FARP2: variants seen among roughly 807,000 people sequenced by gnomAD.
FARP2 encodes FERM, ARHGEF and pleckstrin domain-containing protein 2.
Under a neutral mutation model 130.5 loss-of-function variants are expected in FARP2, and 111 were observed. The observed-to-expected ratio is 0.85, with a 90% CI of 0.73 to 1.00. The LOEUF (loss-of-function observed/expected upper bound fraction) is 1.00. Among genes scored for constraint, FARP2 ranks in the 50% least tolerant of loss-of-function variants. The pLI, the probability that FARP2 is intolerant of heterozygous loss-of-function variation, is 0.00. For synonymous variants in FARP2, 504 were observed against 516.9 expected, an observed-to-expected ratio of 0.98 and a Z score of 0.34; for missense variants, 1,385 against 1,346.3, an observed-to-expected ratio of 1.03 and a Z score of -0.45.
chr2:241,487,536 TG>T (rs556423222), intron 21 of FARP2, among the ~76,000 whole-genome samples: 12 of 122,514 alleles, frequency 9.8e-5, no homozygotes, highest in African/African-American at 3.3e-4. Context: ...GGCGTGGTGG[TG>T]GGCACCTGTA....
chr2:241,384,292 G>A (rs1216931673), intron 2 of FARP2, among the ~76,000 whole-genome samples: 1 of 152,186 alleles, frequency 6.6e-6, no homozygotes, highest in Non-Finnish European at 1.5e-5. Context: ...GCACATGAAT[G>A]ATGCTTTACA....
At chr2:241,491,488 C>T in intron 23 of FARP2, 28 bp from the exon 24 acceptor site, 1 of 1,611,872 alleles carries the variant, frequency 6.2e-7, no homozygotes, top group Non-Finnish European at 8.5e-7. Flanking sequence ...AGGGGGTTCC[C>T]CCTGAGACGC....
intron 8 of FARP2, among the ~76,000 whole-genome samples, chr2:241,429,811 G>A (rs1432153815): frequency 6.6e-6 from 1 of 152,134 alleles, no homozygotes; most frequent in East Asian, 1.9e-4. Flanking sequence ...AGCCAGGATT[G>A]GTATCAGGTG....
intron 13 of FARP2, chr2:241,445,922 C>CA: frequency 6.6e-6 from 1 of 152,324 alleles, no homozygotes. Context: ...TGTGTCTACT[C>CA]AGAGGGGACG....
chr2:241,414,615 T>C (rs2062616265), intron 7 of FARP2, among the ~76,000 whole-genome samples: 1 of 152,150 alleles, frequency 6.6e-6, no homozygotes, highest in African/African-American at 2.4e-5. Flanking sequence ...CCCGTAAGAT[T>C]GTGTGGATTT....
intron 2 of FARP2, among the ~76,000 whole-genome samples, chr2:241,396,521 A>AAGG (rs1437089690): frequency 1.3e-5 from 2 of 152,228 alleles, no homozygotes; most frequent in African/African-American, 4.8e-5. Context: ...AAAGTGGGTG[A>AAGG]AGGACATGAA....
intron 2 of FARP2, among the ~76,000 whole-genome samples, chr2:241,401,053 C>T (rs1158265447): frequency 6.6e-6 from 1 of 152,136 alleles, no homozygotes; most frequent in Non-Finnish European, 1.5e-5. Flanking sequence ...ACAGATTTGC[C>T]CTTTTGTTCT....
At chr2:241,455,822 CT>C (rs1316978714) in intron 13 of FARP2, among the ~76,000 whole-genome samples, 3 of 141,966 alleles carry the variant, frequency 2.1e-5, no homozygotes, top group African/African-American at 7.9e-5. Context: ...TCACTGCAAG[CT>C]CTGCCTCCTG....
intron 21 of FARP2, among the ~76,000 whole-genome samples, chr2:241,486,651 G>A (rs1421908892): frequency 6.6e-6 from 1 of 152,088 alleles, no homozygotes; most frequent in Non-Finnish European, 1.5e-5. Context: ...CTAGTCACCT[G>A]TCACTGGACG....
chr2:241,361,328 G>A (rs1034037023), intron 1 of FARP2, among the ~76,000 whole-genome samples: 4 of 152,176 alleles, frequency 2.6e-5, no homozygotes, highest in Admixed American at 6.5e-5. Context: ...AGGAATACCC[G>A]CATTGAGATT....
intron 8 of FARP2, among the ~76,000 whole-genome samples, chr2:241,429,049 T>C (rs2063028109): frequency 6.6e-6 from 1 of 152,266 alleles, no homozygotes. Context: ...CTAACCTTGC[T>C]GCCTCTTACA....
rs902830992 is a variant in FARP2, at chr2:241,360,692, T to C, written c.-25+4304T>C. 6.5e-5 allele frequency among the ~76,000 whole-genome samples: 9 copies of C among 139,044 alleles called. No individual in the cohort carries two copies. The Admixed American group carries it at 6.5e-4, about 10-fold the overall frequency. The allele number at this position is 139,044 out of a possible 152,430, so 91.2% of individuals were successfully genotyped here. On this transcript the variant is annotated intron_variant, in intron 1 of 26. Transcript: ENST00000264042. ...CTGTCTCAAAAAAAAAAAAAAAAAG[T>C]GAATATTTAGAATGAGAACGTAACA...
chr2:241,466,696 C>CA (rs1471207889), intron 17 of FARP2: 2 of 676,892 alleles, frequency 3.0e-6, no homozygotes, highest in Non-Finnish European at 3.6e-6. Flanking sequence ...ACCACCCCCC[C>CA]CCCCACCACC....
At chr2:241,468,006 G>T in intron 17 of FARP2, 134 bp from the exon 18 acceptor site, 2 of 720,920 alleles carry the variant, frequency 2.8e-6, no homozygotes, top group Non-Finnish European at 5.1e-6. Flanking sequence ...GCCCCCGCTG[G>T]CGCACGCTGG....
chr2:241,453,775 T>G (rs1396682778), intron 13 of FARP2, among the ~76,000 whole-genome samples: 11 of 57,704 alleles, frequency 1.9e-4, no homozygotes, highest in African/African-American at 2.4e-4. Context: ...ACTGGTTTTT[T>G]TTTTTTTTTT....
rs13014057 is a variant in FARP2 at position 241,480,543 on chromosome 2, T to A, written c.2263-2922T>A. Among the ~76,000 whole-genome samples, 125 of 144,990 alleles carry A rather than the reference T, an allele frequency of 8.6e-4. 3 individuals are homozygous for A. Among genetic ancestry groups the A allele is most frequent in the Admixed American group, 3.3e-3 (48 of 14,354 alleles). ...TAGGCTTGTGTTGTGTTTTTTTTTTTAAATTTAAAGATATTAAGACAATTC... is the reference window on the plus strand; with the variant it reads ...TAGGCTTGTGTTGTGTTTTTTTTTTAAAATTTAAAGATATTAAGACAATTC... On this transcript the variant is annotated intron_variant, in intron 19 of 26. Coordinates refer to ENST00000264042, the MANE Select transcript of FARP2 (RefSeq NM_014808.4).
chr2:241,485,123 T>G (rs754068306), intron 21 of FARP2, among the ~76,000 whole-genome samples: 4 of 151,878 alleles, frequency 2.6e-5, no homozygotes, highest in Non-Finnish European at 5.9e-5. Context: ...GTCAGTGATC[T>G]TCTCTCCTTG....
In FARP2 at chr2:241,456,820, G is replaced by C. The variant is rs150929124; in HGVS notation, c.1485G>C (p.Gln495His). 1.7e-4 allele frequency: 275 copies of C among 1,613,964 alleles called. No homozygotes were observed. Among genetic ancestry groups the C allele is most frequent in the Admixed American group, 6.2e-4 (37 of 60,002 alleles). The change falls in exon 14 of 27, where the codon CAG (glutamine) becomes CAC (histidine). Residue 495 changes from glutamine (Q) to histidine (H), a missense_variant. Gln to His is a conservative substitution (Grantham distance 24). Coordinates refer to ENST00000264042, the MANE Select transcript of FARP2 (RefSeq NM_014808.4). ...CCCTGAGTCTGAGCCCTGCATTTCAGGTGCCTTTGGGCCCAGCTGAACAGG... is the reference window on the plus strand; with the variant it reads ...CCCTGAGTCTGAGCCCTGCATTTCACGTGCCTTTGGGCCCAGCTGAACAGG... Reference protein sequence around the residue: ...KSPLSLSPAFQVPLGPAEQGS... With the variant: ...KSPLSLSPAFHVPLGPAEQGS...
At chr2:241,448,639 A>G (rs2063571158) in intron 13 of FARP2, among the ~76,000 whole-genome samples, 1 of 152,254 alleles carries the variant, frequency 6.6e-6, no homozygotes, top group Admixed American at 6.5e-5. Context: ...GATCTGGACA[A>G]ATGGCCCAAA....
Sources: allele counts gnomAD v4.1 joint callset (sites outside exome capture counted in the v4.1 genomes callset), GRCh38; gene constraint gnomAD v4.1.1; transcripts MANE v1.5; gene names NCBI Gene and HGNC (gene_info 2026-07-23, HGNC 2026-07-21).